CEP95: variants seen among roughly 807,000 people sequenced by gnomAD.
CEP95 encodes the protein centrosomal protein 95, also known as centrosomal protein of 95 kDa.
Under a neutral mutation model 111.2 loss-of-function variants are expected in CEP95, and 98 were observed. The ratio of observed to expected loss-of-function variants is 0.88; its 90% CI spans 0.75 to 1.04. The LOEUF (loss-of-function observed/expected upper bound fraction) is 1.04, where lower values mean the gene tolerates loss of function less well. CEP95 is among the 50% of genes least tolerant of loss of function. The pLI is 0.00. For synonymous variants in CEP95, 323 were observed against 327.1 expected, an observed-to-expected ratio of 0.99 and a Z score of 0.14; for missense variants, 1,027 against 977.2, an observed-to-expected ratio of 1.05 and a Z score of -0.68.
chr17:64,507,273 C>G, intron 1 of CEP95, 157 bp downstream of exon 1: 1 of 1,482,338 alleles, frequency 6.7e-7, no homozygotes, highest in East Asian at 2.5e-5. Context: ...GGTCTCTCAG[C>G]TTCACCACCT....
chr17:64,509,893 A>G (rs1439662303), intron 2 of CEP95, among the ~76,000 whole-genome samples: 2 of 151,396 alleles, frequency 1.3e-5, no homozygotes, highest in African/African-American at 2.4e-5. Flanking sequence ...ATATTCATGT[A>G]TATCTATATA....
chr17:64,515,491 G>A (rs946756806), intron 4 of CEP95, among the ~76,000 whole-genome samples: 5 of 152,172 alleles, frequency 3.3e-5, no homozygotes, highest in African/African-American at 4.8e-5. Flanking sequence ...TCGCAGGAAG[G>A]GGAGGGATGG....
At position 64,531,891 on chromosome 17, in the gene CEP95, A is replaced by T; in HGVS notation, c.1541A>T (p.Glu514Val). The change falls in exon 14 of 20, where the codon GAA (glutamate) becomes GTA (valine). Residue 514 changes from glutamate (E) to valine (V), a missense_variant and splice_region_variant. Glu to Val is a moderately radical substitution (Grantham distance 121). Coordinates refer to ENST00000556440, the MANE Select transcript of CEP95 (RefSeq NM_138363.3). ...TTCTGTTTTATATCTGCTTCTAAGG[A>T]AAAAATATACAGAGGAGAAGCTGTT... ...LRIHEKEEET[E>V]KIYRGEAVRK... The T allele has an allele frequency of 3.8e-6, 6 of 1,558,726 alleles. No individual in the cohort carries two copies. Among genetic ancestry groups the T allele is most frequent in the Non-Finnish European group, 5.2e-6 (6 of 1,158,306 alleles).
In CEP95 at chr17:64,525,860, A is replaced by C; in HGVS notation, c.1000A>C (p.Arg334=). The part of the protein sequence containing the change: ...YPAQVQGPRT[R]KPPKGKRNEN... ...AGCTCAGGTCCAAGGGCCTAGGACA[A>C]GGAAGCCTCCCAAAGGAAAAAGGTA... Residue 334 remains arginine (R), a synonymous_variant, in exon 9 of 20, where the codon AGG becomes CGG. Transcript: ENST00000556440. 1 of 1,578,368 alleles carries C rather than the reference A, an allele frequency of 6.3e-7. No individual in the cohort carries two copies. Among genetic ancestry groups the C allele is most frequent in the Non-Finnish European group, 8.5e-7 (1 of 1,170,184 alleles).
Position 64,521,505 on chromosome 17 carries a change from T to G in CEP95, c.693T>G (p.Ser231Arg). 6.2e-7 allele frequency: 1 copy of G among 1,611,808 alleles called. No individual in the cohort carries two copies. Among genetic ancestry groups the G allele is most frequent in the Non-Finnish European group, 8.5e-7 (1 of 1,178,904 alleles). Residue 231 changes from serine to arginine, a missense_variant, in exon 7 of 20, where the codon AGT becomes AGG. Ser to Arg is a moderately radical substitution (Grantham distance 110). Coordinates refer to ENST00000556440, the MANE Select transcript of CEP95 (RefSeq NM_138363.3). ...ACCCTCCTAGTGTTTTGTCCAAGAG[T>G]AGGACATCCTTTGTTGAAGACAGTG... Reference protein sequence around the residue: ...MLYPPSVLSKSRTSFVEDTET... With the variant: ...MLYPPSVLSKRRTSFVEDTET...
chr17:64,520,098 C>A (rs1245346658), intron 6 of CEP95, among the ~76,000 whole-genome samples: 3 of 152,156 alleles, frequency 2.0e-5, no homozygotes, highest in Admixed American at 1.3e-4. Flanking sequence ...GGACCAGAGT[C>A]AAGTGTGGAT....
At chr17:64,510,962 G>A (rs1555674733) in intron 3 of CEP95, among the ~76,000 whole-genome samples, 3 of 152,166 alleles carry the variant, frequency 2.0e-5, no homozygotes, top group African/African-American at 7.2e-5. Context: ...TTAAAGCTGG[G>A]CGTCTGGGGG....
At chr17:64,531,820 A>G in intron 13 of CEP95, 70 bp from the exon 14 acceptor site, 1 of 1,159,680 alleles carries the variant, frequency 8.6e-7, no homozygotes, top group Non-Finnish European at 1.2e-6. Flanking sequence ...TCAGTATGTA[A>G]TATTTAAGAT....
intron 3 of CEP95, among the ~76,000 whole-genome samples, chr17:64,512,249 C>A (rs1177833347): frequency 6.6e-6 from 1 of 152,196 alleles, no homozygotes; most frequent in African/African-American, 2.4e-5. Context: ...ATCGGAAGAA[C>A]TCTCTAGAAG....
At position 64,507,037 on chromosome 17, in the gene CEP95, T is replaced by A. The variant is rs2038576408; in HGVS notation, c.-61T>A. The A allele has an allele frequency of 6.5e-7, 1 of 1,548,758 alleles. No homozygotes were observed. The highest frequency in any genetic ancestry group is 1.2e-5 in the South Asian group (1 of 83,982). ...GTGTCGGGTCTGCGTGGATCGGTCC[T>A]TCCAGGACACCGTCGCCTTCCCGGC... On this transcript the variant is annotated 5_prime_UTR_variant, in exon 1 of 20. Coordinates refer to ENST00000556440, the MANE Select transcript of CEP95 (RefSeq NM_138363.3).
At chr17:64,507,981 T>G in intron 1 of CEP95, 1 of 985,456 alleles carries the variant, frequency 1.0e-6, no homozygotes. Flanking sequence ...TTGATAATTC[T>G]GAGCTTCATG....
chr17:64,519,114 T>G (rs1261937296), intron 5 of CEP95, among the ~76,000 whole-genome samples: 2 of 152,268 alleles, frequency 1.3e-5, no homozygotes, highest in Non-Finnish European at 2.9e-5. Flanking sequence ...GTATTTGCTG[T>G]TCTCCTATAC....
In CEP95 at chr17:64,519,376, T is replaced by C; in HGVS notation, c.529T>C (p.Ser177Pro). 6.2e-7 allele frequency: 1 copy of C among 1,613,808 alleles called. No individual in the cohort carries two copies. The highest frequency in any genetic ancestry group is 8.5e-7 in the Non-Finnish European group (1 of 1,179,728). ...GPSWDGDEAE[S>P]TGEIIRLGDT... ...CTCTTGGGATGGAGATGAAGCAGAA[T>C]CCACTGGTGAAATCATTAGACTTGG... Residue 177 changes from serine to proline, a missense_variant, in exon 6 of 20, where the codon TCC becomes CCC. By Grantham distance (74) the Ser-to-Pro change is moderately conservative. Transcript: ENST00000556440.
intron 1 of CEP95, 154 bp from the exon 2 acceptor site, chr17:64,508,438 G>A (rs558579900): frequency 1.9e-5 from 22 of 1,147,690 alleles, no homozygotes; most frequent in Non-Finnish European, 2.2e-5. Flanking sequence ...CATGCCTAAA[G>A]GGTCTTTGAA....
At chr17:64,508,104 C>T in intron 1 of CEP95, 1 of 985,382 alleles carries the variant, frequency 1.0e-6, no homozygotes, top group Non-Finnish European at 1.2e-6. Flanking sequence ...AGTTTAATCA[C>T]CACTTTTTCC....
At chr17:64,525,044 C>T (rs1967690768) in intron 8 of CEP95, among the ~76,000 whole-genome samples, 1 of 150,452 alleles carries the variant, frequency 6.6e-6, no homozygotes, top group Non-Finnish European at 1.5e-5. Flanking sequence ...ATCTCTAAGA[C>T]CAAGAAATAA....
intron 18 of CEP95, 119 bp from the exon 19 acceptor site, chr17:64,536,922 A>C: frequency 2.5e-6 from 3 of 1,191,656 alleles, no homozygotes; most frequent in Non-Finnish European, 3.5e-6. Context: ...ACCTGACCAT[A>C]GTACAGTATA....
intron 8 of CEP95, 25 bp downstream of exon 8, chr17:64,522,920 T>G: frequency 6.4e-7 from 1 of 1,564,566 alleles, no homozygotes; most frequent in Non-Finnish European, 8.7e-7. Flanking sequence ...TTACTTTCAG[T>G]TGGCTAGAAG....
Position 64,526,093 on chromosome 17 carries a change from TCATC to T in CEP95, c.1047_1050del (p.Ser350AlafsTer13), listed in dbSNP as rs1264920400. 6.2e-7 allele frequency: 1 copy of T among 1,613,598 alleles called. No homozygotes were observed. The highest frequency in any genetic ancestry group is 8.5e-7 in the Non-Finnish European group (1 of 1,179,788). On this transcript the variant is annotated frameshift_variant, in exon 10 of 20. Coordinates refer to ENST00000556440, the MANE Select transcript of CEP95 (RefSeq NM_138363.3). LOFTEE classifies it high-confidence loss of function. ...CAGAAATGAAAACAGAGCTACAGCCTCATCCTGCAATTCACCTTTCCCCCAGAGG... is the reference window on the plus strand; with the variant it reads ...CAGAAATGAAAACAGAGCTACAGCCTCTGCAATTCACCTTTCCCCCAGAGG...
Sources: gnomAD v4.1 joint callset for allele counts (sites outside exome capture counted in the v4.1 genomes callset) on GRCh38, gnomAD v4.1.1 for gene constraint, MANE v1.5 for transcripts, NCBI Gene and HGNC (gene_info 2026-07-23, HGNC 2026-07-21) for gene names.